Variants in SLC44A5 observed in about 807,000 individuals in gnomAD.
SLC44A5 encodes the protein solute carrier family 44 member 5, also known as choline transporter-like protein 5.
In SLC44A5, 57 loss-of-function variants were observed where a neutral mutation model predicts 101.8. That is an observed-to-expected ratio of 0.56 (90% CI 0.45 to 0.70). The LOEUF (loss-of-function observed/expected upper bound fraction) is 0.70, where lower values mean the gene tolerates loss of function less well. Among genes scored for constraint, SLC44A5 ranks in the 30% least tolerant of loss-of-function variants. SLC44A5 has a pLI of 0.00. For missense variants in SLC44A5, 737 were observed against 853.1 expected (o/e 0.86, Z 1.70); for synonymous variants, 281 against 290.9 (o/e 0.97, Z 0.35).
intron 5 of SLC44A5, among the ~76,000 whole-genome samples, chr1:75,289,318 C>A (rs1438727592): frequency 6.6e-6 from 1 of 152,158 alleles, no homozygotes; most frequent in Non-Finnish European, 1.5e-5. Context: ...ATTAGAGAGT[C>A]ACAGTAGAGG....
chr1:75,677,194 A>G, the SLC44A5 span, among the ~76,000 whole-genome samples: 1 of 152,246 alleles, frequency 6.6e-6, no homozygotes, highest in African/African-American at 2.4e-5. Context: ...AAATACAGAA[A>G]AAAAACAGCT....
chr1:75,423,630 G>A (rs1376136538), intron 2 of SLC44A5, among the ~76,000 whole-genome samples: 1 of 152,208 alleles, frequency 6.6e-6, no homozygotes, highest in African/African-American at 2.4e-5. Context: ...ACGTTAATAT[G>A]TGCCTGGCTC....
intron 8 of SLC44A5, among the ~76,000 whole-genome samples, chr1:75,242,502 T>G (rs1348143644): frequency 1.3e-5 from 2 of 152,090 alleles, no homozygotes; most frequent in Non-Finnish European, 2.9e-5. Context: ...GTTATCAAAC[T>G]GGGCTTGGAA....
intron 1 of SLC44A5, among the ~76,000 whole-genome samples, chr1:75,566,599 T>C (rs1451891150): frequency 6.6e-6 from 1 of 152,198 alleles, no homozygotes; most frequent in Non-Finnish European, 1.5e-5. Context: ...CTCAAACATG[T>C]ATATGCATTT....
chr1:75,719,093 G>T, the SLC44A5 span, among the ~76,000 whole-genome samples: 2 of 152,086 alleles, frequency 1.3e-5, no homozygotes, highest in African/African-American at 4.8e-5. Context: ...ACTGCAGAGA[G>T]CCAATAAAAA....
At chr1:75,515,886 T>A (rs1420846338) in intron 2 of SLC44A5, among the ~76,000 whole-genome samples, 1 of 152,210 alleles carries the variant, frequency 6.6e-6, no homozygotes. Flanking sequence ...CAAGGGTTTT[T>A]TTTTTTCCCC....
chr1:75,528,389 G>C (rs1210021821), intron 2 of SLC44A5, among the ~76,000 whole-genome samples: 2 of 152,242 alleles, frequency 1.3e-5, no homozygotes, highest in East Asian at 3.9e-4. Flanking sequence ...GTTTCTTAAA[G>C]AAATATAATA....
chr1:75,617,832 TCA>T, the SLC44A5 span, among the ~76,000 whole-genome samples: 1 of 152,232 alleles, frequency 6.6e-6, no homozygotes, highest in East Asian at 1.9e-4. Context: ...TGTAAATATT[TCA>T]GTCCATTTTA....
the SLC44A5 span, among the ~76,000 whole-genome samples, chr1:75,701,184 G>A: frequency 6.6e-6 from 1 of 152,068 alleles, no homozygotes; most frequent in Non-Finnish European, 1.5e-5. Context: ...TGATACCAAA[G>A]CCTGGCAGAG....
chr1:75,718,297 T>TAGA, the SLC44A5 span, among the ~76,000 whole-genome samples: 1 of 152,100 alleles, frequency 6.6e-6, no homozygotes, highest in Non-Finnish European at 1.5e-5. Flanking sequence ...GAGGGTAGAG[T>TAGA]AGAAGATGGA....
chr1:75,602,680 A>T (rs1675048893), intron 1 of SLC44A5, among the ~76,000 whole-genome samples: 1 of 152,124 alleles, frequency 6.6e-6, no homozygotes, highest in Non-Finnish European at 1.5e-5. Context: ...CAACCAAACA[A>T]AAGTGTGATA....
intron 2 of SLC44A5, among the ~76,000 whole-genome samples, chr1:75,480,651 C>T (rs1037395355): frequency 5.9e-5 from 9 of 151,892 alleles, no homozygotes; most frequent in African/African-American, 1.7e-4. Context: ...CTCCCATTCG[C>T]AATTGCTTCA....
chr1:75,265,135 T>C (rs1650883537), intron 6 of SLC44A5, among the ~76,000 whole-genome samples: 1 of 152,078 alleles, frequency 6.6e-6, no homozygotes, highest in East Asian at 1.9e-4. Flanking sequence ...CAAAGAAAAG[T>C]TCAGGACCAG....
intron 3 of SLC44A5, among the ~76,000 whole-genome samples, chr1:75,386,100 T>C (rs1325610599): frequency 6.6e-6 from 1 of 151,526 alleles, no homozygotes; most frequent in Non-Finnish European, 1.5e-5. Context: ...ACAGCCAATA[T>C]CATACTGAAT....
intron 2 of SLC44A5, among the ~76,000 whole-genome samples, chr1:75,483,690 G>T (rs1233982120): frequency 2.0e-5 from 3 of 151,982 alleles, no homozygotes; most frequent in Non-Finnish European, 4.4e-5. Flanking sequence ...TTTAAACGAG[G>T]GTATTGGACT....
intron 1 of SLC44A5, among the ~76,000 whole-genome samples, chr1:75,558,001 G>A (rs908928062): frequency 1.3e-5 from 2 of 152,046 alleles, no homozygotes; most frequent in Non-Finnish European, 2.9e-5. Flanking sequence ...CATATACTAT[G>A]AGTCACACAT....
At chr1:75,483,452 A>T (rs974589499) in intron 2 of SLC44A5, among the ~76,000 whole-genome samples, 2 of 152,214 alleles carry the variant, frequency 1.3e-5, no homozygotes, top group African/African-American at 4.8e-5. Context: ...TAAAACAGAG[A>T]TGTGCTCTAG....
chr1:75,356,216 A>T (rs1659061083), intron 3 of SLC44A5, among the ~76,000 whole-genome samples: 1 of 147,538 alleles, frequency 6.8e-6, no homozygotes. Flanking sequence ...CCTCAAAAAA[A>T]AAAAAAAAAA....
chr1:75,717,878 C>T, the SLC44A5 span, among the ~76,000 whole-genome samples: 83 of 152,260 alleles, frequency 5.5e-4, no homozygotes, highest in African/African-American at 1.8e-3. Context: ...TTGGAGAAAT[C>T]GTAAAAGAGA....
Sources: allele counts gnomAD v4.1 joint callset (sites outside exome capture counted in the v4.1 genomes callset), GRCh38; gene constraint gnomAD v4.1.1; transcripts MANE v1.5; gene names NCBI Gene and HGNC (gene_info 2026-07-23, HGNC 2026-07-21).